The following IMMP2L variants were observed in gnomAD, a reference collection of about 807,000 sequenced individuals.
IMMP2L encodes inner mitochondrial membrane peptidase subunit 2, also known as mitochondrial inner membrane protease subunit 2.
IMMP2L carries 18 observed loss-of-function variants against 19.3 expected under a neutral mutation model. The observed-to-expected ratio is 0.93, with a 90% confidence interval of 0.64 to 1.38. IMMP2L has a LOEUF of 1.38. Among genes scored for constraint, IMMP2L ranks in the 40% most tolerant of loss-of-function variants. IMMP2L has a pLI of 0.00. For missense variants in IMMP2L, 233 were observed against 218.2 expected, an observed-to-expected ratio of 1.07 and a Z score of -0.43; for synonymous variants, 76 against 73.0, an observed-to-expected ratio of 1.04 and a Z score of -0.21.
At chr7:111,161,678 G>C (rs115961110) in intron 3 of IMMP2L, among the ~76,000 whole-genome samples, 1,631 of 151,982 alleles carry the variant, frequency 0.011, 39 homozygotes, top group African/African-American at 0.037. Context: ...TCAAGGATGT[G>C]AATAATAAGT....
At chr7:111,327,806 C>A (rs182730542) in intron 3 of IMMP2L, among the ~76,000 whole-genome samples, 1 of 151,574 alleles carries the variant, frequency 6.6e-6, no homozygotes, top group Non-Finnish European at 1.5e-5. Context: ...GTCAGAAATG[C>A]AAGCTGAAAA....
At chr7:110,949,032 C>T (rs943272216) in intron 4 of IMMP2L, among the ~76,000 whole-genome samples, 2 of 152,190 alleles carry the variant, frequency 1.3e-5, no homozygotes, top group African/African-American at 4.8e-5. Flanking sequence ...CCTCTGGCCT[C>T]AGATTGAGAG....
chr7:111,047,541 C>T (rs1792523203), intron 3 of IMMP2L, among the ~76,000 whole-genome samples: 1 of 152,064 alleles, frequency 6.6e-6, no homozygotes. Context: ...AAGATACAAC[C>T]TTGAAGCAAA....
At chr7:111,338,140 G>C (rs1040656720) in intron 3 of IMMP2L, among the ~76,000 whole-genome samples, 2 of 152,112 alleles carry the variant, frequency 1.3e-5, no homozygotes, top group Non-Finnish European at 1.5e-5. Context: ...CTATGGTAGA[G>C]AAGAGAAAGT....
chr7:111,029,400 G>A (rs1264069170), intron 3 of IMMP2L, among the ~76,000 whole-genome samples: 1 of 152,060 alleles, frequency 6.6e-6, no homozygotes. Flanking sequence ...TATTGGAGGT[G>A]AAAAAATGGA....
At chr7:111,069,983 T>C (rs1459083136) in intron 3 of IMMP2L, among the ~76,000 whole-genome samples, 2 of 152,182 alleles carry the variant, frequency 1.3e-5, no homozygotes, top group Admixed American at 1.3e-4. Context: ...GGTGCCCTCC[T>C]TCAAAGACAG....
chr7:111,103,892 A>C (rs1184275779), intron 3 of IMMP2L, among the ~76,000 whole-genome samples: 1 of 151,610 alleles, frequency 6.6e-6, no homozygotes, highest in East Asian at 1.9e-4. Context: ...CTGATCCCTT[A>C]ATGACTAGGC....
At chr7:111,238,381 G>T (rs1419806221) in intron 3 of IMMP2L, among the ~76,000 whole-genome samples, 1 of 152,008 alleles carries the variant, frequency 6.6e-6, no homozygotes, top group Non-Finnish European at 1.5e-5. Flanking sequence ...TATCTGTAAA[G>T]TGAAGACAAT....
chr7:111,007,770 T>C (rs1824462603), intron 3 of IMMP2L, among the ~76,000 whole-genome samples: 1 of 151,900 alleles, frequency 6.6e-6, no homozygotes, highest in Non-Finnish European at 1.5e-5. Flanking sequence ...CAATCCAAAC[T>C]TCTCTAAATT....
At chr7:110,771,402 G>A (rs1170940712) in intron 5 of IMMP2L, among the ~76,000 whole-genome samples, 1 of 152,130 alleles carries the variant, frequency 6.6e-6, no homozygotes, top group African/African-American at 2.4e-5. Flanking sequence ...AAGCAGGGCT[G>A]AACAAATGAA....
At chr7:110,782,842 C>A (rs73716413) in intron 5 of IMMP2L, among the ~76,000 whole-genome samples, 9,367 of 151,720 alleles carry the variant, frequency 0.062, 323 homozygotes, top group African/African-American at 0.082. Context: ...ATTACTGTGT[C>A]CTTGGACTAA....
At chr7:110,680,502 A>T (rs1212915412) in intron 5 of IMMP2L, among the ~76,000 whole-genome samples, 1 of 152,176 alleles carries the variant, frequency 6.6e-6, no homozygotes, top group African/African-American at 2.4e-5. Context: ...TAATGGAAAA[A>T]GTGGTCTAAA....
At chr7:111,139,087 G>A (rs1301445082) in intron 3 of IMMP2L, among the ~76,000 whole-genome samples, 2 of 151,898 alleles carry the variant, frequency 1.3e-5, no homozygotes, top group Admixed American at 6.6e-5. Flanking sequence ...ATAAATGAAT[G>A]TGATATCCAT....
intron 4 of IMMP2L, among the ~76,000 whole-genome samples, chr7:110,952,691 C>G (rs1423843082): frequency 6.6e-6 from 1 of 152,130 alleles, no homozygotes; most frequent in Admixed American, 6.5e-5. Flanking sequence ...AGTCATCCTG[C>G]TAGGCTCTGT....
chr7:111,114,753 A>C (rs1396479725), intron 3 of IMMP2L, among the ~76,000 whole-genome samples: 1 of 151,340 alleles, frequency 6.6e-6, no homozygotes, highest in Non-Finnish European at 1.5e-5. Context: ...AAAAAAAAAA[A>C]GAAAGAAAGA....
chr7:110,698,410 G>A lies in IMMP2L; in HGVS notation c.409-34689C>T, dbSNP rs180726784. 1.1e-4 allele frequency among the ~76,000 whole-genome samples: 16 copies of A among 152,194 alleles called. No individual in the cohort carries two copies. The South Asian group carries it at 2.7e-3, about 26-fold the overall frequency. ...AATAATAATACTTAAGTAGCTGCCC[G>A]TGAATATATGAGCCTTATTATTTCA... is the stretch of plus-strand genomic sequence containing the variant. On this transcript the variant is annotated intron_variant, in intron 5 of 5. Transcript: ENST00000405709.
intron 3 of IMMP2L, among the ~76,000 whole-genome samples, chr7:110,994,788 T>C (rs1019166958): frequency 1.3e-5 from 2 of 152,198 alleles, no homozygotes; most frequent in African/African-American, 4.8e-5. Flanking sequence ...AGCACCTCTC[T>C]TACTGGCTGA....
chr7:111,269,050 G>A (rs1818162785), intron 3 of IMMP2L, among the ~76,000 whole-genome samples: 2 of 152,182 alleles, frequency 1.3e-5, no homozygotes, highest in Admixed American at 1.3e-4. Context: ...AATACAGGGA[G>A]AGAGGGCTCA....
At chr7:111,314,673 C>A (rs759230507) in intron 3 of IMMP2L, among the ~76,000 whole-genome samples, 1 of 152,108 alleles carries the variant, frequency 6.6e-6, no homozygotes, top group African/African-American at 2.4e-5. Flanking sequence ...TCTCCTCCTC[C>A]TTCTCTATGC....
Sources: gnomAD v4.1 joint callset for allele counts (sites outside exome capture counted in the v4.1 genomes callset) on GRCh38, gnomAD v4.1.1 for gene constraint, MANE v1.5 for transcripts, NCBI Gene and HGNC (gene_info 2026-07-23, HGNC 2026-07-21) for gene names.